Variants in SLC30A10 observed in about 807,000 individuals in gnomAD.
SLC30A10 encodes the protein solute carrier family 30 member 10, also known as calcium/manganese antiporter SLC30A10.
Under a neutral mutation model 21.7 loss-of-function variants are expected in SLC30A10, and 8 were observed. That is an observed-to-expected ratio of 0.37 (90% CI 0.22 to 0.67). The LOEUF (loss-of-function observed/expected upper bound fraction) is 0.67. SLC30A10 is among the 30% of genes least tolerant of loss of function. SLC30A10 has a pLI of 0.58. For missense variants in SLC30A10, 521 were observed against 642.5 expected, an observed-to-expected ratio of 0.81 and a Z score of 2.04; for synonymous variants, 272 against 279.4, an observed-to-expected ratio of 0.97 and a Z score of 0.26.
At chr1:219,931,349 A>G (rs1210642847), upstream of SLC30A10, among the ~76,000 whole-genome samples, 1 of 152,234 alleles carries the variant, frequency 6.6e-6, no homozygotes, top group African/African-American at 2.4e-5. Context: ...TGGGGGACCC[A>G]TTCCTGACTT....
upstream of SLC30A10, among the ~76,000 whole-genome samples, chr1:219,932,309 A>G (rs753579991): frequency 7.2e-5 from 11 of 152,240 alleles, no homozygotes; most frequent in Admixed American, 3.9e-4. Context: ...AACAAATGAA[A>G]TGGTTTTTAA....
At chr1:219,954,725 AT>A (rs1291302648) in intron 1 of SLC30A10, among the ~76,000 whole-genome samples, 3 of 150,942 alleles carry the variant, frequency 2.0e-5, no homozygotes, top group African/African-American at 4.9e-5. Context: ...AAGGAAAGGC[AT>A]TTTTTTAAGA....
chr1:219,956,015 T>G (rs2795312), intron 1 of SLC30A10, among the ~76,000 whole-genome samples: 54,230 of 152,160 alleles, frequency 0.36, 9,682 homozygotes, highest in Admixed American at 0.4. Context: ...ATGCAATATT[T>G]ATTCTTTTCT....
intron 1 of SLC30A10, among the ~76,000 whole-genome samples, chr1:219,942,806 A>G (rs887129455): frequency 3.3e-5 from 5 of 152,214 alleles, no homozygotes; most frequent in African/African-American, 1.2e-4. Context: ...GCATTCTGGG[A>G]GGCTGAAGAG....
At position 219,911,148 on chromosome 1, in the gene SLC30A10, A is replaced by AGTTTTTTTTTTGTTTTTTTTTTTTTTT. The variant is rs59876760; in HGVS notation, c.*4300_*4301insAAAAAAAAAAAAAAACAAAAAAAAAAC. Among the ~76,000 whole-genome samples, 1 of 38,590 alleles carries AGTTTTTTTTTTGTTTTTTTTTTTTTTT rather than the reference A, an allele frequency of 2.6e-5. No homozygotes were observed. Among genetic ancestry groups the AGTTTTTTTTTTGTTTTTTTTTTTTTTT allele is most frequent in the African/African-American group, 1.4e-4 (1 of 7,252 alleles). The allele number at this position is 38,590 out of a possible 152,430, so 25.3% of individuals were successfully genotyped here. A position where few individuals can be genotyped will look rare whatever the true frequency, so the allele number is the denominator to read the frequency against. On this transcript the variant is annotated 3_prime_UTR_variant, in exon 4 of 4. Coordinates refer to ENST00000366926, the MANE Select transcript of SLC30A10 (RefSeq NM_018713.3). The stretch of plus-strand genomic sequence containing the variant: ...CATGTTTCTTCATTTTTTCTACATC[A>AGTTTTTTTTTTGTTTTTTTTTTTTTTT]GTTTTTTTTTTTTTTTTTTTTTTTT...
intron 1 of SLC30A10, among the ~76,000 whole-genome samples, chr1:219,927,552 G>T (rs980884809): frequency 1.1e-4 from 16 of 148,404 alleles, no homozygotes; most frequent in African/African-American, 3.9e-4. Context: ...GGCTACCCGA[G>T]GATCCAGGAG....
rs984860297 is a variant in SLC30A10 at position 219,915,359 on chromosome 1, T to C, written c.*90A>G. 2 of 1,496,986 alleles carry C rather than the reference T, an allele frequency of 1.3e-6. No individual in the cohort carries two copies. The highest frequency in any genetic ancestry group is 1.4e-5 in the African/African-American group (1 of 71,732). 92.7% of individuals were successfully genotyped at this position (1,496,986 alleles called of 1,614,324 possible). ...GAGCATGCATGCTGCAAGTCTAGTC[T>C]GGGCCTACAACCCAGAAAGCTCTTT... On this transcript the variant is annotated 3_prime_UTR_variant, in exon 4 of 4. Transcript: ENST00000366926.
chr1:219,938,395 A>T (rs151009292), intron 1 of SLC30A10, among the ~76,000 whole-genome samples: 62 of 152,308 alleles, frequency 4.1e-4, no homozygotes, highest in African/African-American at 1.5e-3. Context: ...TCCCAGAGGC[A>T]GGATCACTTC....
chr1:219,916,003 G>T, intron 3 of SLC30A10, 55 bp from the exon 4 acceptor site: 1 of 1,568,438 alleles, frequency 6.4e-7, no homozygotes, highest in African/African-American at 1.4e-5. Context: ...TTGAAACATG[G>T]AACTACAGGA....
upstream of SLC30A10, among the ~76,000 whole-genome samples, chr1:219,931,821 CT>C (rs1659973711): frequency 6.6e-6 from 1 of 152,140 alleles, no homozygotes; most frequent in African/African-American, 2.4e-5. Flanking sequence ...GTTTAAATAG[CT>C]TTTGTTTATT....
In SLC30A10 at chr1:219,952,572, GGA is replaced by G. The variant is rs1180228523; in HGVS notation, n.80+5994_80+5995del. Among the ~76,000 whole-genome samples, 19 of 40,662 alleles carry G rather than the reference GGA, an allele frequency of 4.7e-4. No individual in the cohort carries two copies. In the African/African-American group the frequency reaches 6.2e-3, roughly 13 times the overall value. 26.7% of individuals were successfully genotyped at this position (40,662 alleles called of 152,430 possible). A position where few individuals can be genotyped will look rare whatever the true frequency, so the allele number is the denominator to read the frequency against. ...TACTATTAACTAGCTGTATGATTGT[GGA>G]ATTTGTCTGAACCTGTTTTCCTTGT... On this transcript the variant is annotated intron_variant and non_coding_transcript_variant, in intron 1 of 8. Transcript: ENST00000484239.
At position 219,911,288 on chromosome 1, in the gene SLC30A10, T is replaced by C. The variant is rs1659411400; in HGVS notation, c.*4161A>G. Among the ~76,000 whole-genome samples the C allele has an allele frequency of 2.0e-5, 3 of 151,324 alleles. No individual in the cohort carries two copies. ...AGATATGATTTGGCAAAGGATAAAA[T>C]TAGCCATAAATGATAAAGATTTTTT... On this transcript the variant is annotated 3_prime_UTR_variant, in exon 4 of 4. Coordinates refer to ENST00000366926, the MANE Select transcript of SLC30A10 (RefSeq NM_018713.3).
Position 219,914,541 on chromosome 1 carries a change from G to C in SLC30A10, c.*908C>G, listed in dbSNP as rs1659488403. On this transcript the variant is annotated 3_prime_UTR_variant, in exon 4 of 4. Transcript: ENST00000366926. ...AGTGTTATGCATTCTGCTATCCCAG[G>C]AATACTCTTTTCTGGTAAATGCTGC... 1.3e-5 allele frequency: 2 copies of C among 152,210 alleles called. No individual in the cohort carries two copies. Among genetic ancestry groups the C allele is most frequent in the African/African-American group, 2.4e-5 (1 of 41,534 alleles). The allele number at this position is 152,210 out of a possible 1,614,324, so 9.4% of individuals were successfully genotyped here.
At chr1:219,926,991 A>G in intron 2 of SLC30A10, 37 bp downstream of exon 2, 2 of 1,495,448 alleles carry the variant, frequency 1.3e-6, no homozygotes, top group Non-Finnish European at 9.3e-7. Context: ...TGTGTGTCAT[A>G]GAAAGGGATT....
chr1:219,920,902 C>A (rs887468510), intron 2 of SLC30A10, among the ~76,000 whole-genome samples: 7 of 152,128 alleles, frequency 4.6e-5, no homozygotes, highest in African/African-American at 1.7e-4. Context: ...GCAAAGGGCC[C>A]CAGGGAAGAC....
chr1:219,930,487 C>G (rs1694587), upstream of SLC30A10, among the ~76,000 whole-genome samples: 9,089 of 152,036 alleles, frequency 0.06, 909 homozygotes, highest in African/African-American at 0.21. Context: ...CCACCTCCCC[C>G]CAACCACAGA....
In SLC30A10 at chr1:219,928,250, G is replaced by C; in HGVS notation, c.191C>G (p.Pro64Arg). 1 of 1,580,474 alleles carries C rather than the reference G, an allele frequency of 6.3e-7. No individual in the cohort carries two copies. Among genetic ancestry groups the C allele is most frequent in the Non-Finnish European group, 8.6e-7 (1 of 1,164,224 alleles). Reference protein sequence around the residue: ...GLSAGYIARRPTRGFSATYGY... With the variant: ...GLSAGYIARRRTRGFSATYGY... Reference sequence around the variant, plus strand: ...GTAGGTGGCGCTGAAGCCCCGGGTGGGGCGCCGGGCGATGTAGCCGGCGCT... The same window carrying C: ...GTAGGTGGCGCTGAAGCCCCGGGTGCGGCGCCGGGCGATGTAGCCGGCGCT... The change falls in exon 1 of 4, where the codon CCC becomes CGC. Residue 64 changes from proline (P) to arginine (R), a missense_variant. By Grantham distance (103) the Pro-to-Arg change is moderately radical. Coordinates refer to ENST00000366926, the MANE Select transcript of SLC30A10 (RefSeq NM_018713.3). The surrounding 1 kb of genome is among the most constrained non-coding windows in gnomAD (Gnocchi z 6.3).
chr1:219,939,517 C>G (rs969735737), intron 1 of SLC30A10, among the ~76,000 whole-genome samples: 1 of 152,168 alleles, frequency 6.6e-6, no homozygotes, highest in East Asian at 1.9e-4. Flanking sequence ...CAACCTCCAC[C>G]CCCCCAGGTT....
upstream of SLC30A10, among the ~76,000 whole-genome samples, chr1:219,932,043 G>A (rs1009067734): frequency 6.6e-6 from 1 of 151,424 alleles, no homozygotes. Flanking sequence ...TTTGCTTCCA[G>A]ATTATACTAA....
Sources: gnomAD v4.1 joint callset for allele counts (sites outside exome capture counted in the v4.1 genomes callset) on GRCh38, gnomAD v4.1.1 for gene constraint, Gnocchi (gnomAD v3.1) non-coding constraint, MANE v1.5 for transcripts, NCBI Gene and HGNC (gene_info 2026-07-23, HGNC 2026-07-21) for gene names.